Variants in COL22A1 observed in about 807,000 individuals in gnomAD.
COL22A1 encodes the protein collagen alpha-1(XXII) chain.
A neutral mutation model predicts 248.9 loss-of-function variants in COL22A1; 221 were observed. The observed-to-expected ratio is 0.89, with a 90% CI of 0.80 to 0.99. The LOEUF is 0.99. COL22A1 is among the 50% of genes least tolerant of loss of function. The probability of loss-of-function intolerance (pLI) is 0.00; values close to 1 mark genes in which losing one functional copy is unlikely to be tolerated. For synonymous variants in COL22A1, 891 were observed against 793.4 expected (o/e 1.12, Z -2.07); for missense variants, 2,240 against 2,179.0 (o/e 1.03, Z -0.56).
chr8:138,643,313 C>A (rs1268216016), intron 47 of COL22A1, among the ~76,000 whole-genome samples: 1 of 152,170 alleles, frequency 6.6e-6, no homozygotes, highest in Non-Finnish European at 1.5e-5. Flanking sequence ...ATGCAGGAGT[C>A]TTGCCTCTGT....
intron 30 of COL22A1, among the ~76,000 whole-genome samples, chr8:138,713,022 T>C (rs1408667460): frequency 1.3e-5 from 2 of 152,236 alleles, no homozygotes; most frequent in Admixed American, 6.5e-5. Flanking sequence ...AGTTAGAATC[T>C]AGTAGAAAGG....
chr8:138,700,193 G>A, intron 31 of COL22A1, 49 bp from the exon 32 acceptor site: 1 of 1,591,632 alleles, frequency 6.3e-7, no homozygotes, highest in Non-Finnish European at 8.6e-7. Context: ...AAGGAACCCA[G>A]TGTTTCATTT....
intron 37 of COL22A1, among the ~76,000 whole-genome samples, chr8:138,687,896 C>A (rs933786763): frequency 3.9e-5 from 6 of 152,208 alleles, no homozygotes; most frequent in Non-Finnish European, 7.3e-5. Flanking sequence ...ATGCCAGGAG[C>A]AGTTACTCCC....
intron 22 of COL22A1, among the ~76,000 whole-genome samples, chr8:138,744,763 C>G (rs1358955948): frequency 6.6e-6 from 1 of 152,252 alleles, no homozygotes; most frequent in Non-Finnish European, 1.5e-5. Flanking sequence ...ACTATTCAAT[C>G]AATGTTATTT....
At chr8:138,690,903 C>A in intron 35 of COL22A1, 29 bp from the exon 36 acceptor site, 1 of 1,588,594 alleles carries the variant, frequency 6.3e-7, no homozygotes, top group Non-Finnish European at 8.6e-7. Flanking sequence ...TTAGAAAGGC[C>A]AAACGCATTG....
intron 1 of COL22A1, among the ~76,000 whole-genome samples, chr8:138,912,474 C>T (rs1011196866): frequency 6.6e-5 from 10 of 152,214 alleles, no homozygotes; most frequent in Non-Finnish European, 1.3e-4. Flanking sequence ...GGCGTGGTGG[C>T]TCATGCCTGT....
intron 41 of COL22A1, among the ~76,000 whole-genome samples, chr8:138,664,634 C>A (rs1225025123): frequency 2.6e-5 from 4 of 152,142 alleles, no homozygotes; most frequent in Non-Finnish European, 5.9e-5. Flanking sequence ...GCCTGTTGGT[C>A]CACTCCTCTT....
intron 6 of COL22A1, among the ~76,000 whole-genome samples, chr8:138,825,182 G>C (rs1409228694): frequency 6.6e-6 from 1 of 152,118 alleles, no homozygotes; most frequent in East Asian, 1.9e-4. Context: ...CCAGAAAAGT[G>C]GCCTCTGGAG....
In COL22A1 at chr8:138,796,873, A is replaced by C; in HGVS notation, c.1558-16T>G. The C allele has an allele frequency of 1.3e-6, 2 of 1,558,518 alleles. No homozygotes were observed. Among genetic ancestry groups the C allele is most frequent in the Non-Finnish European group, 1.8e-6 (2 of 1,129,610 alleles). On this transcript the variant is annotated splice_polypyrimidine_tract_variant and intron_variant, in intron 11 of 64. Transcript: ENST00000303045. ...GTCCTATGCCCTAGAAAAATGAAAG[A>C]AGGCAAAGATTCACTACAGAGCATC... is the stretch of plus-strand genomic sequence containing the variant.
chr8:138,666,285 A>G (rs972331238), intron 41 of COL22A1, among the ~76,000 whole-genome samples: 5 of 152,196 alleles, frequency 3.3e-5, no homozygotes, highest in Admixed American at 2.0e-4. Flanking sequence ...ACAGAGATGA[A>G]TGAATAACTC....
Position 138,613,866 on chromosome 8 carries a change from C to G in COL22A1, c.3978+1G>C. On this transcript the variant is annotated splice_donor_variant, in intron 56 of 64. Transcript: ENST00000303045. LOFTEE classifies it high-confidence loss of function. ...CACATTAGTCGCAAAGCAAAACTCA[C>G]CGGTGGGCCCCTTGGTCCTTGGGGA... is the stretch of plus-strand genomic sequence containing the variant. 6.2e-7 allele frequency: 1 copy of G among 1,613,720 alleles called. No individual in the cohort carries two copies. The highest frequency in any genetic ancestry group is 8.5e-7 in the Non-Finnish European group (1 of 1,179,604).
chr8:138,669,639 G>A (rs1332670619), intron 41 of COL22A1, among the ~76,000 whole-genome samples: 1 of 152,132 alleles, frequency 6.6e-6, no homozygotes. Flanking sequence ...AAACCTCTCT[G>A]AGCCTGAGTC....
chr8:138,670,217 G>A (rs1824897264), intron 41 of COL22A1, among the ~76,000 whole-genome samples: 1 of 152,230 alleles, frequency 6.6e-6, no homozygotes, highest in Non-Finnish European at 1.5e-5. Flanking sequence ...ACCAACTCCT[G>A]GTTATACGTG....
intron 1 of COL22A1, among the ~76,000 whole-genome samples, chr8:138,897,813 G>A (rs972709461): frequency 2.0e-5 from 3 of 150,910 alleles, no homozygotes; most frequent in South Asian, 2.1e-4. Context: ...AAAAAAAAAC[G>A]GCTGAACTAG....
chr8:138,902,253 C>T (rs1203165334), intron 1 of COL22A1, among the ~76,000 whole-genome samples: 3 of 152,192 alleles, frequency 2.0e-5, no homozygotes, highest in Admixed American at 1.3e-4. Flanking sequence ...CACTGCCCCT[C>T]TCCTTTCCCT....
At chr8:138,808,644 A>C (rs984917171) in intron 9 of COL22A1, among the ~76,000 whole-genome samples, 2 of 152,222 alleles carry the variant, frequency 1.3e-5, no homozygotes, top group Non-Finnish European at 2.9e-5. Flanking sequence ...CAACACGATT[A>C]ATATAATTTT....
At chr8:138,597,730 C>G (rs1266796301) in intron 61 of COL22A1, among the ~76,000 whole-genome samples, 1 of 152,176 alleles carries the variant, frequency 6.6e-6, no homozygotes, top group Non-Finnish European at 1.5e-5. Flanking sequence ...ATTCTGTTTC[C>G]TTATTCTTTT....
At chr8:138,719,312 G>C (rs1829690290) in intron 27 of COL22A1, among the ~76,000 whole-genome samples, 1 of 152,060 alleles carries the variant, frequency 6.6e-6, no homozygotes, top group Non-Finnish European at 1.5e-5. Flanking sequence ...GATCGGTGTA[G>C]ACATATATTT....
intron 22 of COL22A1, among the ~76,000 whole-genome samples, chr8:138,744,596 C>T (rs1460603006): frequency 6.6e-6 from 1 of 152,118 alleles, no homozygotes. Context: ...TACCTACAGC[C>T]TGGGTAACAC....
Sources: gnomAD v4.1 joint callset for allele counts (sites outside exome capture counted in the v4.1 genomes callset) on GRCh38, gnomAD v4.1.1 for gene constraint, MANE v1.5 for transcripts, NCBI Gene and HGNC (gene_info 2026-07-23, HGNC 2026-07-21) for gene names.